PTPRA: variants seen among roughly 807,000 people sequenced by gnomAD.
PTPRA encodes the protein receptor-type tyrosine-protein phosphatase alpha.
Under a neutral mutation model 104.8 loss-of-function variants are expected in PTPRA, and 25 were observed. The ratio of observed to expected loss-of-function variants is 0.24; its 90% confidence interval spans 0.17 to 0.33. PTPRA has a LOEUF of 0.33. Among genes scored for constraint, PTPRA ranks in the 10% least tolerant of loss-of-function variants. The probability of loss-of-function intolerance (pLI) is 1.00; values close to 1 mark genes in which losing one functional copy is unlikely to be tolerated. For missense variants in PTPRA, 765 were observed against 1,015.3 expected (o/e 0.75, Z 3.35); for synonymous variants, 323 against 368.9 (o/e 0.88, Z 1.43).
In PTPRA at chr20:3,035,507, G is replaced by A. The variant is rs1203075809; in HGVS notation, c.1921-78G>A. ...GTAAGAGGTGGCTGTACTGAGAGGG[G>A]TCAGGCTGCTCGTGGGCAGTGCTGC... On this transcript the variant is annotated intron_variant, in intron 20 of 23. Transcript: ENST00000399903. This position sits in a 1 kb window ranked among gnomAD's most constrained non-coding sequence, Gnocchi z 5.8. 1.1e-5 allele frequency: 17 copies of A among 1,489,034 alleles called. No individual in the cohort carries two copies. The highest frequency in any genetic ancestry group is 1.6e-5 in the Non-Finnish European group (17 of 1,080,760). The allele number at this position is 1,489,034 out of a possible 1,614,324, so 92.2% of individuals were successfully genotyped here.
intron 20 of PTPRA, among the ~76,000 whole-genome samples, chr20:3,029,407 C>G (rs2065310287): frequency 6.6e-6 from 1 of 151,916 alleles, no homozygotes; most frequent in African/African-American, 2.4e-5. Flanking sequence ...ACCCAAAGTG[C>G]TAGGATTACA....
chr20:2,958,658 T>TAAAAA (rs71195806), intron 3 of PTPRA, among the ~76,000 whole-genome samples: 9 of 62,278 alleles, frequency 1.4e-4, no homozygotes, highest in African/African-American at 2.1e-4. Context: ...CCATCTCTAC[T>TAAAAA]AAAAAAAAAA....
rs1055705269 is a variant in PTPRA at position 2,873,801 on chromosome 20, G to A, written c.-129+41G>A. On this transcript the variant is annotated intron_variant, in intron 1 of 23. Transcript: ENST00000399903. This position sits in a 1 kb window ranked among gnomAD's most constrained non-coding sequence, Gnocchi z 4.4. ...CGCTGCGCCCGGGTGGGCTCCGGAAGGGGGAGCGGCTCCCGGGGGCGGTGG... is the reference window on the plus strand; with the variant it reads ...CGCTGCGCCCGGGTGGGCTCCGGAAAGGGGAGCGGCTCCCGGGGGCGGTGG... 10 of 152,302 alleles carry A rather than the reference G, an allele frequency of 6.6e-5. No homozygotes were observed. The highest frequency in any genetic ancestry group is 1.9e-4 in the African/African-American group (8 of 41,568). 9.4% of individuals were successfully genotyped at this position (152,302 alleles called of 1,614,324 possible).
At chr20:2,874,169 C>T (rs1242347527) in intron 1 of PTPRA, among the ~76,000 whole-genome samples, 1 of 152,214 alleles carries the variant, frequency 6.6e-6, no homozygotes, top group Middle Eastern at 3.4e-3. Flanking sequence ...ACTTTTCTTT[C>T]CCTTCAAGTC....
chr20:3,029,571 C>G (rs895548123), intron 20 of PTPRA, among the ~76,000 whole-genome samples: 1 of 28,320 alleles, frequency 3.5e-5, no homozygotes, highest in Non-Finnish European at 5.8e-5. Flanking sequence ...GACGGAGTCT[C>G]TGTCACCCAG....
chr20:2,943,223 CA>C (rs2060994894), intron 2 of PTPRA, among the ~76,000 whole-genome samples: 1 of 148,372 alleles, frequency 6.7e-6, no homozygotes, highest in African/African-American at 2.5e-5. Flanking sequence ...ACCCCCCCCC[CA>C]GATAAGGGGG....
At chr20:2,993,850 G>A (rs1404333783) in intron 9 of PTPRA, among the ~76,000 whole-genome samples, 5 of 152,204 alleles carry the variant, frequency 3.3e-5, no homozygotes, top group Non-Finnish European at 7.3e-5. Flanking sequence ...CACAGAGGGA[G>A]GTCTAGCCAA....
intron 17 of PTPRA, 77 bp downstream of exon 17, chr20:3,024,698 A>G (rs2065047256): frequency 6.5e-7 from 1 of 1,544,018 alleles, no homozygotes; most frequent in Admixed American, 1.7e-5. Context: ...CTGACTGTGC[A>G]TTTGCCAACA....
chr20:3,003,801 C>T (rs2063740479), intron 9 of PTPRA, among the ~76,000 whole-genome samples: 1 of 151,368 alleles, frequency 6.6e-6, no homozygotes, highest in South Asian at 2.1e-4. Flanking sequence ...CCACCTCTAC[C>T]TCCCAAAGTG....
chr20:3,038,025 A>G, intron 23 of PTPRA, 34 bp from the exon 24 acceptor site: 1 of 1,546,316 alleles, frequency 6.5e-7, no homozygotes, highest in Non-Finnish European at 8.9e-7. Context: ...GTTCTTCAGT[A>G]ACCCTGACTT....
intron 6 of PTPRA, among the ~76,000 whole-genome samples, chr20:2,979,740 C>T (rs538543059): frequency 4.6e-5 from 7 of 152,254 alleles, no homozygotes; most frequent in African/African-American, 9.6e-5. Flanking sequence ...ACCAGAGTCT[C>T]GCTAAGTTGC....
the PTPRA span, chr20:2,866,732 A>G: frequency 9.8e-6 from 11 of 1,118,630 alleles, no homozygotes; most frequent in Non-Finnish European, 1.3e-5. Flanking sequence ...GGAACACTTC[A>G]CAGTGCTTGT....
At chr20:3,007,767 C>G (rs538315946) in intron 11 of PTPRA, among the ~76,000 whole-genome samples, 1 of 151,812 alleles carries the variant, frequency 6.6e-6, no homozygotes, top group Non-Finnish European at 1.5e-5. Flanking sequence ...GACAAGAATA[C>G]CTGACATGAC....
intron 12 of PTPRA, among the ~76,000 whole-genome samples, chr20:3,017,065 T>C (rs1312648611): frequency 6.6e-6 from 1 of 152,340 alleles, no homozygotes; most frequent in South Asian, 2.1e-4. Flanking sequence ...CCTTCTTTTT[T>C]AGTCATTGTG....
chr20:2,896,220 C>T (rs1041613480), intron 1 of PTPRA, among the ~76,000 whole-genome samples: 3 of 151,598 alleles, frequency 2.0e-5, no homozygotes, highest in African/African-American at 7.3e-5. Flanking sequence ...ACTAAAAATA[C>T]AAAAAAAATT....
intron 1 of PTPRA, among the ~76,000 whole-genome samples, chr20:2,909,974 A>ATAT (rs1203441257): frequency 1.8e-5 from 2 of 111,868 alleles, no homozygotes; most frequent in East Asian, 2.1e-4. Context: ...ATATATATAT[A>ATAT]ATCTATCATA....
chr20:2,987,076 C>G (rs1380856389), intron 7 of PTPRA, among the ~76,000 whole-genome samples: 1 of 152,052 alleles, frequency 6.6e-6, no homozygotes, highest in Non-Finnish European at 1.5e-5. Flanking sequence ...CTGTCCAAGC[C>G]CAGTCTCCCA....
At chr20:3,023,586 C>G (rs770779000) in intron 16 of PTPRA, among the ~76,000 whole-genome samples, 3 of 152,176 alleles carry the variant, frequency 2.0e-5, no homozygotes, top group African/African-American at 4.8e-5. Flanking sequence ...CACATCAAGG[C>G]ACAGCACCTT....
the PTPRA span, chr20:2,865,854 G>A: frequency 2.2e-6 from 1 of 457,442 alleles, no homozygotes; most frequent in Non-Finnish European, 4.0e-6. The surrounding 1 kb of genome is among the most constrained non-coding windows in gnomAD (Gnocchi z 5.2). Context: ...GTTTTCTGTG[G>A]TGGGTAGTTC....
Sources: allele counts gnomAD v4.1 joint callset (sites outside exome capture counted in the v4.1 genomes callset), GRCh38; gene constraint gnomAD v4.1.1; non-coding constraint Gnocchi (gnomAD v3.1); transcripts MANE v1.5; gene names NCBI Gene and HGNC (gene_info 2026-07-23, HGNC 2026-07-21).